Variants in REV1 observed in about 807,000 individuals in gnomAD.
REV1 encodes the protein translesion synthesis protein REV1.
In REV1, 42 loss-of-function variants were observed where a neutral mutation model predicts 137.4. The observed-to-expected ratio is 0.31, with a 90% CI of 0.24 to 0.40. The LOEUF (loss-of-function observed/expected upper bound fraction) is 0.40. Among genes scored for constraint, REV1 ranks in the 10% least tolerant of loss-of-function variants. The probability of loss-of-function intolerance (pLI) is 1.00; values close to 1 mark genes in which losing one functional copy is unlikely to be tolerated. For synonymous variants in REV1, 524 were observed against 519.2 expected (o/e 1.01, Z -0.12); for missense variants, 1,282 against 1,490.1 (o/e 0.86, Z 2.30).
chr2:99,403,966 T>C (rs1675887763), intron 18 of REV1, 151 bp from the exon 19 acceptor site: 2 of 965,548 alleles, frequency 2.1e-6, no homozygotes, highest in Non-Finnish European at 3.0e-6. Flanking sequence ...GCTGATTAAA[T>C]CTTCAAAATG....
chr2:99,423,920 C>G (rs1575049853), intron 10 of REV1, among the ~76,000 whole-genome samples: 1 of 152,170 alleles, frequency 6.6e-6, no homozygotes, highest in African/African-American at 2.4e-5. Context: ...GATCTTACAT[C>G]AACCAAGGAA....
chr2:99,402,994 C>T lies in REV1; in HGVS notation c.3279G>A (p.Lys1093=), dbSNP rs369045854. The T allele has an allele frequency of 1.2e-6, 2 of 1,614,048 alleles. No individual in the cohort carries two copies. The highest frequency in any genetic ancestry group is 1.1e-5 in the South Asian group (1 of 91,092). The part of the protein sequence containing the change: ...PKRIQSPLNN[K]LLNSPAKTLP... ...GAGTTTTTGCAGGACTGTTAAGCAG[C>T]TTGTTATTCAAAGGACTCTGAATCC... Residue 1093 remains lysine, a synonymous_variant, in exon 20 of 23, where the codon AAG becomes AAA. Coordinates refer to ENST00000258428, the MANE Select transcript of REV1 (RefSeq NM_016316.4).
chr2:99,435,683 T>C (rs2104780356), intron 7 of REV1, 151 bp downstream of exon 7: 2 of 529,266 alleles, frequency 3.8e-6, no homozygotes, highest in East Asian at 3.4e-5. Flanking sequence ...AATTTCCCTA[T>C]ACCTTCCCTG....
At chr2:99,486,357 G>A (rs1292794034) in intron 1 of REV1, among the ~76,000 whole-genome samples, 1 of 151,896 alleles carries the variant, frequency 6.6e-6, no homozygotes, top group Non-Finnish European at 1.5e-5. Flanking sequence ...GTGAAACCCC[G>A]TCTCTACTAA....
Position 99,426,969 on chromosome 2 carries a change from G to A in REV1, c.1548-2689C>T, listed in dbSNP as rs1457388110. On this transcript the variant is annotated intron_variant, in intron 9 of 22. Coordinates refer to ENST00000258428, the MANE Select transcript of REV1 (RefSeq NM_016316.4). The stretch of plus-strand genomic sequence containing the variant: ...GGAGGCCAAGGCGAGCGGGTCACGA[G>A]GTCAGGAGTTCAAGACCAGCCTGGC... Among the ~76,000 whole-genome samples the A allele has an allele frequency of 2.0e-5, 3 of 152,150 alleles. No homozygotes were observed. In the East Asian group the frequency reaches 5.8e-4, roughly 29 times the overall value.
Position 99,403,811 on chromosome 2 carries a change from T to A in REV1, c.3050A>T (p.Asp1017Val). ...AGGAAGGGCAGCAAATACCTCAGGG[T>A]CCACCTAGTGGAAAAGACGAGGTCA... The part of the protein sequence containing the change: ...LIALPAFSQV[D>V]PEVFAALPAE... The change falls in exon 19 of 23, where the codon GAC becomes GTC. Residue 1017 changes from aspartate (D) to valine (V), a missense_variant. Asp to Val is a radical substitution (Grantham distance 152, BLOSUM62 -3). Transcript: ENST00000258428. The A allele has an allele frequency of 6.2e-7, 1 of 1,614,092 alleles. No homozygotes were observed. The highest frequency in any genetic ancestry group is 1.7e-5 in the Admixed American group (1 of 60,016).
At chr2:99,451,973 ACAG>A (rs1682976454) in intron 3 of REV1, among the ~76,000 whole-genome samples, 2 of 151,908 alleles carry the variant, frequency 1.3e-5, no homozygotes, top group South Asian at 4.2e-4. Context: ...TTTAATTTTT[ACAG>A]CAGTATTCCT....
chr2:99,433,277 T>G (rs1356413238), intron 8 of REV1, among the ~76,000 whole-genome samples: 1 of 152,152 alleles, frequency 6.6e-6, no homozygotes, highest in African/African-American at 2.4e-5. Context: ...TAACAGCTAC[T>G]CCACATCTAC....
intron 21 of REV1, 142 bp from the exon 22 acceptor site, chr2:99,402,488 G>T: frequency 1.2e-6 from 1 of 864,124 alleles, no homozygotes; most frequent in Non-Finnish European, 1.8e-6. Context: ...ACTTTTCAAA[G>T]CAAGTCCCAG....
At chr2:99,410,660 T>A (rs1199068732) in intron 14 of REV1, 35 bp downstream of exon 14, 1 of 1,535,830 alleles carries the variant, frequency 6.5e-7, no homozygotes, top group Non-Finnish European at 8.8e-7. Flanking sequence ...TGTACTGAAA[T>A]ATAATTACCA....
intron 12 of REV1, among the ~76,000 whole-genome samples, chr2:99,414,242 T>G (rs1446787993): frequency 6.6e-6 from 1 of 152,174 alleles, no homozygotes. Flanking sequence ...AAAAACTATC[T>G]AGTCCAAGTT....
chr2:99,438,898 T>C lies in REV1; in HGVS notation c.916A>G (p.Asn306Asp), dbSNP rs28382882. 126 of 1,614,196 alleles carry C rather than the reference T, an allele frequency of 7.8e-5. 2 individuals carry two copies. The East Asian group carries it at 2.8e-3, about 35-fold the overall frequency. ...TGGTGAGCACCATTGATTTTAGTGTTACTGTGCAAAGGTGATAATGAGAAA... is the reference window on the plus strand; with the variant it reads ...TGGTGAGCACCATTGATTTTAGTGTCACTGTGCAAAGGTGATAATGAGAAA... Reference protein sequence around the residue: ...NSFSLSPLHSNTKINGAHHST... With the variant: ...NSFSLSPLHSDTKINGAHHST... The change falls in exon 6 of 23, where the codon AAC becomes GAC. Residue 306 changes from asparagine (N) to aspartate (D), a missense_variant. Around this residue, in one of 7 missense-constraint regions of REV1, gnomAD observed 432 missense variants for 438.0 expected, o/e 0.99. Coordinates refer to ENST00000258428, the MANE Select transcript of REV1 (RefSeq NM_016316.4).
intron 1 of REV1, among the ~76,000 whole-genome samples, chr2:99,472,633 C>CA (rs1279969152): frequency 1.3e-5 from 2 of 152,180 alleles, no homozygotes; most frequent in Admixed American, 1.3e-4. Flanking sequence ...AGGTGGGGTG[C>CA]AAAGCTGGGA....
Position 99,402,803 on chromosome 2 carries a change from G to A in REV1, c.3385-3C>T, listed in dbSNP as rs1675660269. The A allele has an allele frequency of 6.2e-7, 1 of 1,614,050 alleles. No homozygotes were observed. The highest frequency in any genetic ancestry group is 1.7e-5 in the Admixed American group (1 of 59,990). ...GAAGTAGAAGCAGAGAGTTCTTCCT[G>A]TTAAGAAAACAAAGGATAAAATTGC... On this transcript the variant is annotated splice_region_variant and splice_polypyrimidine_tract_variant and intron_variant, in intron 20 of 22. Coordinates refer to ENST00000258428, the MANE Select transcript of REV1 (RefSeq NM_016316.4).
chr2:99,457,857 G>GGAA (rs1186885849), intron 3 of REV1, among the ~76,000 whole-genome samples: 4 of 151,934 alleles, frequency 2.6e-5, no homozygotes, highest in Admixed American at 6.6e-5. Flanking sequence ...AAACATCAAT[G>GGAA]GAAGAGAACA....
In REV1 at chr2:99,403,033, A is replaced by G. The variant is rs2305354; in HGVS notation, c.3240T>C (p.Ile1080=). 0.57 allele frequency: 913,522 copies of G among 1,613,394 alleles called. 262,718 individuals are homozygous for G. The highest frequency in any genetic ancestry group is 0.74 in the African/African-American group (55,546 of 74,916). ...GACTCTGAATCCTTTTTGGTGAACC[A>G]ATGGTTTTTTTCTTCTTGTTTCTTT... The part of the protein sequence containing the change: ...EKKRNKKKKT[I]GSPKRIQSPL... Residue 1080 remains isoleucine (I), a synonymous_variant, in exon 20 of 23, where the codon ATT becomes ATC. Coordinates refer to ENST00000258428, the MANE Select transcript of REV1 (RefSeq NM_016316.4).
At chr2:99,454,218 G>A (rs1034998377) in intron 3 of REV1, among the ~76,000 whole-genome samples, 7 of 151,458 alleles carry the variant, frequency 4.6e-5, no homozygotes, top group Admixed American at 2.6e-4. Context: ...AGCAAGATCC[G>A]TCTTTTAAAA....
intron 12 of REV1, among the ~76,000 whole-genome samples, chr2:99,413,955 G>A (rs1677514836): frequency 6.6e-6 from 1 of 152,010 alleles, no homozygotes; most frequent in South Asian, 2.1e-4. Context: ...CTGAGTTTGA[G>A]GACAACATGG....
Position 99,407,996 on chromosome 2 carries a change from A to C in REV1, c.2448+33T>G, listed in dbSNP as rs191329912. The C allele has an allele frequency of 4.8e-4, 651 of 1,348,514 alleles. 5 individuals are homozygous for C. The African/African-American group carries it at 8.6e-3, about 18-fold the overall frequency. The allele number at this position is 1,348,514 out of a possible 1,614,324, so 83.5% of individuals were successfully genotyped here. On this transcript the variant is annotated intron_variant, in intron 15 of 22. Coordinates refer to ENST00000258428, the MANE Select transcript of REV1 (RefSeq NM_016316.4). Reference sequence around the variant, plus strand: ...TCAAAAATGAGAGATACATTACACAAAGTCAGAATTTACAATGTTACTATA... The same window carrying C: ...TCAAAAATGAGAGATACATTACACACAGTCAGAATTTACAATGTTACTATA...
Sources: gnomAD v4.1 joint callset for allele counts (sites outside exome capture counted in the v4.1 genomes callset) on GRCh38, gnomAD v4.1.1 for gene constraint, gnomAD v4.1.1 regional missense constraint, MANE v1.5 for transcripts, NCBI Gene and HGNC (gene_info 2026-07-23, HGNC 2026-07-21) for gene names.